ARGLU1: variants seen among roughly 807,000 people sequenced by gnomAD.
ARGLU1 encodes the protein arginine and glutamate-rich protein 1.
In ARGLU1, 9 loss-of-function variants were observed where a neutral mutation model predicts 37.6. The ratio of observed to expected loss-of-function variants is 0.24; its 90% CI spans 0.14 to 0.42. The LOEUF (loss-of-function observed/expected upper bound fraction) is 0.42, where lower values mean the gene tolerates loss of function less well. ARGLU1 is among the 10% of genes least tolerant of loss of function. The pLI, the probability that ARGLU1 is intolerant of heterozygous loss-of-function variation, is 1.00. For missense variants in ARGLU1, 211 were observed against 359.2 expected (o/e 0.59, Z 3.34); for synonymous variants, 166 against 138.5 (o/e 1.20, Z -1.39).
chr13:106,566,963 G>A (rs1008126187), intron 1 of ARGLU1, among the ~76,000 whole-genome samples: 1 of 151,930 alleles, frequency 6.6e-6, no homozygotes, highest in Admixed American at 6.6e-5. Context: ...CTCAAGGAAG[G>A]GGTGAGGGTG....
chr13:106,566,727 CTAAA>C (rs1880973618), intron 1 of ARGLU1, among the ~76,000 whole-genome samples: 1 of 152,184 alleles, frequency 6.6e-6, no homozygotes, highest in African/African-American at 2.4e-5. Flanking sequence ...CTAGTTTTCA[CTAAA>C]TATCCTTCAT....
chr13:106,550,536 G>A (rs1880508001), intron 3 of ARGLU1, among the ~76,000 whole-genome samples: 1 of 151,956 alleles, frequency 6.6e-6, no homozygotes, highest in Admixed American at 6.5e-5. Flanking sequence ...CCTAAGTATT[G>A]TACCATTTCA....
chr13:106,568,043 C>T lies in ARGLU1; in HGVS notation c.-124G>A. ...CGGAGGAAAGAAAGGTGTCGGCCAA[C>T]GGACTTTATGCCTTTTCCCGGCGTC... is the stretch of plus-strand genomic sequence containing the variant. On this transcript the variant is annotated 5_prime_UTR_variant, in exon 1 of 4. Transcript: ENST00000400198. 7.2e-7 allele frequency: 1 copy of T among 1,392,460 alleles called. No individual in the cohort carries two copies. 86.3% of individuals were successfully genotyped at this position (1,392,460 alleles called of 1,614,324 possible). A position where few individuals can be genotyped will look rare whatever the true frequency, so the allele number is the denominator to read the frequency against.
chr13:106,553,195 T>C (rs1488012291), intron 3 of ARGLU1, among the ~76,000 whole-genome samples: 5 of 152,232 alleles, frequency 3.3e-5, no homozygotes, highest in Admixed American at 2.6e-4. Context: ...GATAACTATT[T>C]TTAGCATTTT....
At chr13:106,547,486 C>T (rs75257825) in intron 3 of ARGLU1, among the ~76,000 whole-genome samples, 9,540 of 151,902 alleles carry the variant, frequency 0.063, 362 homozygotes, top group South Asian at 0.098. Context: ...ATGGGGTACA[C>T]TAAATAAATT....
intron 1 of ARGLU1, among the ~76,000 whole-genome samples, chr13:106,563,181 A>ATT (rs1241646755): frequency 2.6e-5 from 4 of 152,162 alleles, no homozygotes; most frequent in African/African-American, 9.6e-5. Context: ...ATCGCTTAAT[A>ATT]ATTATTAGCA....
rs959990234 is a variant in ARGLU1 at position 106,568,115 on chromosome 13, G to A, written c.-196C>T. On this transcript the variant is annotated 5_prime_UTR_variant, in exon 1 of 4. Coordinates refer to ENST00000400198, the MANE Select transcript of ARGLU1 (RefSeq NM_018011.4). ...CTCCAACGAGAAACCCGTAGCGCCA[G>A]GCGCCCCTAAGATGGCAGCTGCGGC... 90 of 831,982 alleles carry A rather than the reference G, an allele frequency of 1.1e-4. No homozygotes were observed. Among genetic ancestry groups the A allele is most frequent in the East Asian group, 1.0e-3 (33 of 31,432 alleles). The allele number at this position is 831,982 out of a possible 1,614,324, so 51.5% of individuals were successfully genotyped here.
Position 106,567,479 on chromosome 13 carries a change from T to G in ARGLU1, c.347+94A>C. On this transcript the variant is annotated intron_variant, in intron 1 of 3. Transcript: ENST00000400198. This position sits in a 1 kb window ranked among gnomAD's most constrained non-coding sequence, Gnocchi z 4.3. The stretch of plus-strand genomic sequence containing the variant: ...CCCCAGCCCCGGACCGTCCCCGCCA[T>G]TCTCCCGGCCCGCACCGTCCCGCCC... 17 of 854,760 alleles carry G rather than the reference T, an allele frequency of 2.0e-5. No homozygotes were observed. Among genetic ancestry groups the G allele is most frequent in the East Asian group, 3.1e-5 (1 of 31,810 alleles). The allele number at this position is 854,760 out of a possible 1,614,324, so 52.9% of individuals were successfully genotyped here. A position where few individuals can be genotyped will look rare whatever the true frequency, so the allele number is the denominator to read the frequency against.
chr13:106,559,222 A>C, intron 2 of ARGLU1: 1 of 1,517,276 alleles, frequency 6.6e-7, no homozygotes, highest in Non-Finnish European at 8.8e-7. Context: ...GTATCCTTGA[A>C]TATGTTTTAT....
Position 106,567,539 on chromosome 13 carries a change from G to T in ARGLU1, c.347+34C>A. 6.7e-7 allele frequency: 1 copy of T among 1,483,568 alleles called. No homozygotes were observed. The highest frequency in any genetic ancestry group is 9.4e-7 in the Non-Finnish European group (1 of 1,064,046). The allele number at this position is 1,483,568 out of a possible 1,614,324, so 91.9% of individuals were successfully genotyped here. A position where few individuals can be genotyped will look rare whatever the true frequency, so the allele number is the denominator to read the frequency against. On this transcript the variant is annotated intron_variant, in intron 1 of 3. Transcript: ENST00000400198. This position sits in a 1 kb window ranked among gnomAD's most constrained non-coding sequence, Gnocchi z 4.3. ...GCCCTCGCCCCGCGCCCTGCTCTCC[G>T]CACGCCCCGGTCCCTCCCCGCGCGG... is the stretch of plus-strand genomic sequence containing the variant.
intron 3 of ARGLU1, among the ~76,000 whole-genome samples, chr13:106,547,498 CT>C (rs1367249139): frequency 6.6e-6 from 1 of 151,830 alleles, no homozygotes; most frequent in African/African-American, 2.4e-5. Flanking sequence ...AAATAAATTA[CT>C]GAAGATATAT....
rs570631342 is a variant in ARGLU1 at position 106,560,877 on chromosome 13, C to T, written c.348-1220G>A. On this transcript the variant is annotated intron_variant, in intron 1 of 3. Transcript: ENST00000400198. ...CTGTTTAGTAAAGACTTTATAGTTTCTAAGTGACCTTTAAATACCCCAATC... is the reference window on the plus strand; with the variant it reads ...CTGTTTAGTAAAGACTTTATAGTTTTTAAGTGACCTTTAAATACCCCAATC... Among the ~76,000 whole-genome samples the T allele has an allele frequency of 6.6e-5, 10 of 152,320 alleles. No individual in the cohort carries two copies. The South Asian group carries it at 1.9e-3, about 28-fold the overall frequency.
rs367848688 is a variant in ARGLU1 at position 106,562,781 on chromosome 13, GGAGATC to G, written c.348-3130_348-3125del. Among the ~76,000 whole-genome samples, 692 of 151,842 alleles carry G rather than the reference GGAGATC, an allele frequency of 4.6e-3. 6 individuals carry two copies. Among genetic ancestry groups the G allele is most frequent in the African/African-American group, 0.016 (653 of 41,390 alleles). Reference sequence around the variant, plus strand: ...CCCAGGCAGGTGGATCATGAGGTCAGGAGATCGAGACCATCCTGGCTAACACGGTGA... The same window carrying G: ...CCCAGGCAGGTGGATCATGAGGTCAGGAGACCATCCTGGCTAACACGGTGA... On this transcript the variant is annotated intron_variant, in intron 1 of 3. Transcript: ENST00000400198.
chr13:106,553,780 T>C (rs993088960), intron 3 of ARGLU1, among the ~76,000 whole-genome samples: 7 of 152,254 alleles, frequency 4.6e-5, no homozygotes, highest in South Asian at 2.1e-4. Context: ...TGTAACATCA[T>C]TGTATTATTT....
In ARGLU1 at chr13:106,544,178, AAATT is replaced by A. The variant is rs766176801; in HGVS notation, c.658-22_658-19del. On this transcript the variant is annotated intron_variant, in intron 3 of 3. Coordinates refer to ENST00000400198, the MANE Select transcript of ARGLU1 (RefSeq NM_018011.4). ...TCTTCGGCCTGAAAGTTAAAAGTAA[AAATT>A]AATTATAGAAATGTATTAAAAATTA... 18 of 1,529,320 alleles carry A rather than the reference AAATT, an allele frequency of 1.2e-5. No homozygotes were observed. Among genetic ancestry groups the A allele is most frequent in the Non-Finnish European group, 1.6e-5 (18 of 1,145,968 alleles). 94.7% of individuals were successfully genotyped at this position (1,529,320 alleles called of 1,614,324 possible).
chr13:106,558,103 C>CA, intron 2 of ARGLU1: 2 of 984,836 alleles, frequency 2.0e-6, no homozygotes, highest in Non-Finnish European at 2.4e-6. Context: ...GAAAGACTGT[C>CA]AGAGGGTTGT....
intron 3 of ARGLU1, among the ~76,000 whole-genome samples, chr13:106,552,945 A>T (rs1466223150): frequency 6.6e-6 from 1 of 152,256 alleles, no homozygotes; most frequent in Non-Finnish European, 1.5e-5. Context: ...CCCATGGATT[A>T]GAGCACTTAA....
intron 3 of ARGLU1, among the ~76,000 whole-genome samples, chr13:106,556,360 T>G (rs184007493): frequency 2.0e-5 from 3 of 152,360 alleles, no homozygotes; most frequent in Admixed American, 2.0e-4. Context: ...CAGAAGATGA[T>G]GTTCCAGAAA....
At chr13:106,563,419 C>T (rs1880870520) in intron 1 of ARGLU1, among the ~76,000 whole-genome samples, 1 of 152,108 alleles carries the variant, frequency 6.6e-6, no homozygotes, top group Non-Finnish European at 1.5e-5. Context: ...CGATCTCAAG[C>T]AAGCACTATA....
Sources: gnomAD v4.1 joint callset for allele counts (sites outside exome capture counted in the v4.1 genomes callset) on GRCh38, gnomAD v4.1.1 for gene constraint, Gnocchi (gnomAD v3.1) non-coding constraint, MANE v1.5 for transcripts, NCBI Gene and HGNC (gene_info 2026-07-23, HGNC 2026-07-21) for gene names.